The following MTUS2 variants were observed in gnomAD, a reference collection of about 807,000 sequenced individuals.
The protein encoded by MTUS2 is microtubule-associated tumor suppressor candidate 2.
MTUS2 carries 40 observed loss-of-function variants against 114.1 expected under a neutral mutation model. The ratio of observed to expected loss-of-function variants is 0.35; its 90% CI spans 0.27 to 0.46. The LOEUF (loss-of-function observed/expected upper bound fraction) is 0.46. MTUS2 is among the 20% of genes least tolerant of loss of function. The probability of loss-of-function intolerance (pLI) is 1.00; values close to 1 mark genes in which losing one functional copy is unlikely to be tolerated. For missense variants in MTUS2, 1,679 were observed against 1,705.4 expected, an observed-to-expected ratio of 0.98 and a Z score of 0.27; for synonymous variants, 688 against 672.0, an observed-to-expected ratio of 1.02 and a Z score of -0.37.
chr13:29,126,401 C>T (rs1891518017), intron 5 of MTUS2, among the ~76,000 whole-genome samples: 1 of 152,166 alleles, frequency 6.6e-6, no homozygotes, highest in African/African-American at 2.4e-5. Flanking sequence ...TCCAAACCTC[C>T]ACCACACTAC....
chr13:29,303,401 T>G (rs762904754), intron 6 of MTUS2, among the ~76,000 whole-genome samples: 1 of 152,084 alleles, frequency 6.6e-6, no homozygotes, highest in South Asian at 2.1e-4. Context: ...AAACTAAGAA[T>G]CATGATAATA....
chr13:29,277,759 G>A (rs2139526256), intron 5 of MTUS2, among the ~76,000 whole-genome samples: 1 of 152,248 alleles, frequency 6.6e-6, no homozygotes. Flanking sequence ...TTCCAGGCAT[G>A]GCCCATGAAA....
intron 1 of MTUS2, among the ~76,000 whole-genome samples, chr13:28,835,689 T>G (rs1192995379): frequency 6.6e-6 from 1 of 152,200 alleles, no homozygotes; most frequent in Non-Finnish European, 1.5e-5. Context: ...TTTAAGAAAT[T>G]GTTTATCTTC....
intron 4 of MTUS2, among the ~76,000 whole-genome samples, chr13:29,075,750 C>T (rs1333614945): frequency 1.3e-5 from 2 of 152,188 alleles, no homozygotes; most frequent in African/African-American, 2.4e-5. Flanking sequence ...ATTTTAGTCA[C>T]ACCTTTAGCT....
intron 9 of MTUS2, among the ~76,000 whole-genome samples, chr13:29,466,787 C>T (rs1879918443): frequency 3.4e-5 from 5 of 147,614 alleles, no homozygotes; most frequent in Admixed American, 2.8e-4. Flanking sequence ...TGGAGTGGGA[C>T]GATCACTTGA....
chr13:29,233,229 T>C (rs1263098011), intron 5 of MTUS2, among the ~76,000 whole-genome samples: 1 of 52,126 alleles, frequency 1.9e-5, no homozygotes, highest in Non-Finnish European at 3.5e-5. Flanking sequence ...TTTGCATTTT[T>C]TAAGAAAAAA....
intron 8 of MTUS2, among the ~76,000 whole-genome samples, chr13:29,408,007 T>G (rs1020435361): frequency 6.6e-6 from 1 of 152,226 alleles, no homozygotes; most frequent in African/African-American, 2.4e-5. Flanking sequence ...TTCATATCCT[T>G]TGTTCTTTTT....
At chr13:29,227,995 G>T (rs1295283081) in intron 5 of MTUS2, among the ~76,000 whole-genome samples, 1 of 151,944 alleles carries the variant, frequency 6.6e-6, no homozygotes, top group Non-Finnish European at 1.5e-5. Flanking sequence ...GTGAATTATT[G>T]CATCCTTTTT....
intron 1 of MTUS2, among the ~76,000 whole-genome samples, chr13:28,833,416 A>G (rs979941324): frequency 1.3e-5 from 2 of 152,152 alleles, no homozygotes; most frequent in Non-Finnish European, 2.9e-5. Context: ...CTGAAAATCA[A>G]TCAATTTAAT....
chr13:29,211,583 C>G (rs928421369), intron 5 of MTUS2, among the ~76,000 whole-genome samples: 2 of 152,192 alleles, frequency 1.3e-5, no homozygotes, highest in South Asian at 4.1e-4. Flanking sequence ...GAGACAAAAG[C>G]AGAAATGGCT....
intron 9 of MTUS2, among the ~76,000 whole-genome samples, chr13:29,453,808 A>G (rs1878913860): frequency 6.6e-6 from 1 of 152,212 alleles, no homozygotes; most frequent in Admixed American, 6.5e-5. Flanking sequence ...GAAACTTACT[A>G]TTGCTTGCAT....
At chr13:29,337,542 C>A (rs553016467) in intron 7 of MTUS2, among the ~76,000 whole-genome samples, 1 of 152,292 alleles carries the variant, frequency 6.6e-6, no homozygotes, top group Admixed American at 6.5e-5. Context: ...AATCACCCGC[C>A]TTCTGCGTTG....
At chr13:29,180,875 A>G (rs1276451428) in intron 5 of MTUS2, among the ~76,000 whole-genome samples, 1 of 152,174 alleles carries the variant, frequency 6.6e-6, no homozygotes, top group Non-Finnish European at 1.5e-5. Context: ...ATAATTTTCC[A>G]CAAATTGTAT....
chr13:28,950,434 T>C (rs569759685), intron 2 of MTUS2, among the ~76,000 whole-genome samples: 133 of 152,354 alleles, frequency 8.7e-4, no homozygotes, highest in Non-Finnish European at 1.7e-3. Flanking sequence ...TTTTGATACA[T>C]AGAAGTCTTT....
At chr13:29,082,945 G>A (rs1889512250) in intron 4 of MTUS2, among the ~76,000 whole-genome samples, 1 of 152,106 alleles carries the variant, frequency 6.6e-6, no homozygotes, top group Non-Finnish European at 1.5e-5. Flanking sequence ...GGAAATGCAT[G>A]TTGATTGCAG....
chr13:29,419,306 G>A (rs9551672), intron 8 of MTUS2, among the ~76,000 whole-genome samples: 36,974 of 152,022 alleles, frequency 0.24, 4,874 homozygotes, highest in African/African-American at 0.34. Flanking sequence ...CACAGCATCT[G>A]CCTCAGGAGA....
chr13:29,464,475 CCTCTG>C (rs1879747968), intron 9 of MTUS2, among the ~76,000 whole-genome samples: 1 of 152,108 alleles, frequency 6.6e-6, no homozygotes, highest in Non-Finnish European at 1.5e-5. Flanking sequence ...CACTGTCTGC[CCTCTG>C]CTCTGTTTTT....
intron 2 of MTUS2, among the ~76,000 whole-genome samples, chr13:28,930,508 G>A (rs749450580): frequency 3.3e-4 from 51 of 152,316 alleles, no homozygotes; most frequent in Non-Finnish European, 1.3e-4. Flanking sequence ...ATTTAAATGT[G>A]TGGGTCCCTC....
intron 5 of MTUS2, among the ~76,000 whole-genome samples, chr13:29,117,509 C>T (rs1264656785): frequency 6.6e-6 from 1 of 152,182 alleles, no homozygotes; most frequent in South Asian, 2.1e-4. Context: ...ACTAAAAACA[C>T]GACCACAGTA....
Sources: gnomAD v4.1 joint callset for allele counts (sites outside exome capture counted in the v4.1 genomes callset) on GRCh38, gnomAD v4.1.1 for gene constraint, MANE v1.5 for transcripts, NCBI Gene and HGNC (gene_info 2026-07-23, HGNC 2026-07-21) for gene names.